UBAC2: variants seen among roughly 807,000 people sequenced by gnomAD.
The protein encoded by UBAC2 is UBA domain containing 2, also known as ubiquitin-associated domain-containing protein 2.
A neutral mutation model predicts 44.0 loss-of-function variants in UBAC2; 26 were observed. The observed-to-expected ratio is 0.59, with a 90% CI of 0.43 to 0.82. UBAC2 has a LOEUF of 0.82. Among genes scored for constraint, UBAC2 ranks in the 40% least tolerant of loss-of-function variants. The pLI is 0.00. For synonymous variants in UBAC2, 155 were observed against 154.3 expected, an observed-to-expected ratio of 1.00 and a Z score of -0.04; for missense variants, 329 against 419.4, an observed-to-expected ratio of 0.78 and a Z score of 1.88.
At chr13:99,259,724 T>A (rs28669849) in intron 4 of UBAC2, among the ~76,000 whole-genome samples, 1 of 152,270 alleles carries the variant, frequency 6.6e-6, no homozygotes, top group Non-Finnish European at 1.5e-5. Context: ...GAAATCTGCC[T>A]GCATGCAGAC....
At chr13:99,367,977 G>A (rs907445524) in intron 8 of UBAC2, 71 bp downstream of exon 8, 27 of 1,548,910 alleles carry the variant, frequency 1.7e-5, no homozygotes, top group Non-Finnish European at 2.3e-5. Context: ...TCGATCAACA[G>A]GACTCAAAAG....
rs1345943442 is a variant in UBAC2 at position 99,237,269 on chromosome 13, T to TACAC, written c.32-1157_32-1156insCACA. ...AATTTTATGCGTATATATATATATA[T>TACAC]ATACACACACACACACACACACACA... is the stretch of plus-strand genomic sequence containing the variant. On this transcript the variant is annotated intron_variant, in intron 1 of 8. Transcript: ENST00000403766. 5.4e-3 allele frequency among the ~76,000 whole-genome samples: 657 copies of TACAC among 122,768 alleles called. 3 individuals are homozygous for TACAC. Among genetic ancestry groups the TACAC allele is most frequent in the East Asian group, 0.031 (117 of 3,798 alleles). The allele number at this position is 122,768 out of a possible 152,430, so 80.5% of individuals were successfully genotyped here.
At chr13:99,350,278 C>T (rs900499622) in intron 7 of UBAC2, among the ~76,000 whole-genome samples, 6 of 152,124 alleles carry the variant, frequency 3.9e-5, no homozygotes, top group Admixed American at 1.3e-4. Context: ...GGTAATCCTT[C>T]GCCCACAGTG....
intron 6 of UBAC2, among the ~76,000 whole-genome samples, chr13:99,327,847 GTTTA>G (rs1555329737): frequency 6.6e-6 from 1 of 150,468 alleles, no homozygotes; most frequent in Non-Finnish European, 1.5e-5. Context: ...CCCTTTTTTT[GTTTA>G]TTAAGATGTT....
intron 4 of UBAC2, among the ~76,000 whole-genome samples, chr13:99,300,738 C>G (rs2044246247): frequency 6.6e-6 from 1 of 152,286 alleles, no homozygotes; most frequent in East Asian, 1.9e-4. Context: ...TAGCGTTGAA[C>G]ATGTGCTGTT....
intron 6 of UBAC2, among the ~76,000 whole-genome samples, chr13:99,325,141 C>T (rs1810200079): frequency 7.7e-6 from 1 of 130,494 alleles, no homozygotes; most frequent in African/African-American, 2.8e-5. Context: ...CTCTCACTGT[C>T]ACCCAGGCTG....
chr13:99,378,997 A>G (rs928061241), intron 8 of UBAC2, among the ~76,000 whole-genome samples: 1 of 152,244 alleles, frequency 6.6e-6, no homozygotes, highest in Non-Finnish European at 1.5e-5. Flanking sequence ...TCAAGGTATA[A>G]CAAAATATTT....
At chr13:99,255,580 C>T (rs2043537426) in intron 4 of UBAC2, 2 of 1,614,096 alleles carry the variant, frequency 1.2e-6, no homozygotes, top group Middle Eastern at 1.6e-4. Flanking sequence ...TGTGAGAGCT[C>T]CAAGAATCTG....
rs1051345015 is a variant in UBAC2 at position 99,385,750 on chromosome 13, CCTT to C, written c.*420_*422del. 5 of 168,226 alleles carry C rather than the reference CCTT, an allele frequency of 3.0e-5. No individual in the cohort carries two copies. Among genetic ancestry groups the C allele is most frequent in the African/African-American group, 1.2e-4 (5 of 42,008 alleles). The allele number at this position is 168,226 out of a possible 1,614,324, so 10.4% of individuals were successfully genotyped here. A position where few individuals can be genotyped will look rare whatever the true frequency, so the allele number is the denominator to read the frequency against. On this transcript the variant is annotated 3_prime_UTR_variant, in exon 9 of 9. Transcript: ENST00000403766. The stretch of plus-strand genomic sequence containing the variant: ...TTACTTCACAAAGGACATGTCAGAT[CCTT>C]CTTCATGGACTTTTTTAGTTACTGT...
At chr13:99,352,108 TC>T (rs1424221553) in intron 7 of UBAC2, among the ~76,000 whole-genome samples, 5 of 152,204 alleles carry the variant, frequency 3.3e-5, no homozygotes, top group African/African-American at 1.2e-4. Context: ...TCATGAGAGT[TC>T]CTATCATTAA....
Position 99,342,089 on chromosome 13 carries a change from A to G in UBAC2, c.807+1524A>G, listed in dbSNP as rs77361373. 2.5e-3 allele frequency among the ~76,000 whole-genome samples: 386 copies of G among 152,324 alleles called. 3 individuals are homozygous for G. Among genetic ancestry groups the G allele is most frequent in the African/African-American group, 8.7e-3 (363 of 41,570 alleles). On this transcript the variant is annotated intron_variant, in intron 7 of 8. Transcript: ENST00000403766. ...GGCCTCCCCAGGAAGATTTTTATAC[A>G]AAGAGTTTATGAGAGAACACCGTCA...
Position 99,337,188 on chromosome 13 carries a change from CA to C in UBAC2, c.562-3128del, listed in dbSNP as rs1326776293. 2.6e-5 allele frequency among the ~76,000 whole-genome samples: 4 copies of C among 152,274 alleles called. No individual in the cohort carries two copies. In the Middle Eastern group the frequency reaches 0.014, roughly 518 times the overall value. ...TTGAGGCTTGGCATTTACATTCCAA[CA>C]AAACACCCTGTTAAGATTTTATTTT... is the stretch of plus-strand genomic sequence containing the variant. On this transcript the variant is annotated intron_variant, in intron 6 of 8. Transcript: ENST00000403766.
intron 2 of UBAC2, among the ~76,000 whole-genome samples, chr13:99,241,307 T>A (rs1420814844): frequency 6.6e-6 from 1 of 151,344 alleles, no homozygotes; most frequent in Non-Finnish European, 1.5e-5. Flanking sequence ...ATTACCAATG[T>A]TCGCAGCAGC....
At chr13:99,260,318 C>G (rs1230252688) in intron 4 of UBAC2, among the ~76,000 whole-genome samples, 1 of 152,142 alleles carries the variant, frequency 6.6e-6, no homozygotes, top group Non-Finnish European at 1.5e-5. Context: ...AATTGCATTC[C>G]TTGAGAGTTG....
intron 4 of UBAC2, among the ~76,000 whole-genome samples, chr13:99,270,590 G>T (rs975040049): frequency 1.3e-5 from 2 of 152,200 alleles, no homozygotes; most frequent in African/African-American, 2.4e-5. Flanking sequence ...TCAAAACCCA[G>T]AAAGTAAGTA....
At chr13:99,222,916 A>G (rs1354040141) in intron 1 of UBAC2, among the ~76,000 whole-genome samples, 1 of 152,194 alleles carries the variant, frequency 6.6e-6, no homozygotes, top group African/African-American at 2.4e-5. Context: ...CAGAGTTTGT[A>G]TAGAATTGGT....
chr13:99,206,900 C>T (rs527467991), intron 1 of UBAC2, among the ~76,000 whole-genome samples: 2 of 152,380 alleles, frequency 1.3e-5, no homozygotes, highest in South Asian at 4.1e-4. Flanking sequence ...TTCCTGCTCC[C>T]TCTCTCTGAC....
At chr13:99,237,605 C>G (rs887390038) in intron 1 of UBAC2, among the ~76,000 whole-genome samples, 1 of 152,148 alleles carries the variant, frequency 6.6e-6, no homozygotes, top group African/African-American at 2.4e-5. Flanking sequence ...ATCTATCGTA[C>G]GTTTCAAAAT....
intron 7 of UBAC2, among the ~76,000 whole-genome samples, chr13:99,342,840 G>C (rs1001882486): frequency 9.2e-5 from 14 of 152,218 alleles, no homozygotes; most frequent in Admixed American, 7.8e-4. Flanking sequence ...TCTTCACACA[G>C]AGTTGATGAC....
Sources: allele counts gnomAD v4.1 joint callset (sites outside exome capture counted in the v4.1 genomes callset), GRCh38; gene constraint gnomAD v4.1.1; transcripts MANE v1.5; gene names NCBI Gene and HGNC (gene_info 2026-07-23, HGNC 2026-07-21).